ENG: variants seen among roughly 807,000 people sequenced by gnomAD.
ENG encodes the protein CD105 antigen.
In ENG, 17 loss-of-function variants were observed where a neutral mutation model predicts 71.0. That is an observed-to-expected ratio of 0.24 (90% CI 0.16 to 0.36). ENG has a LOEUF of 0.36. ENG is among the 10% of genes least tolerant of loss of function. The pLI, the probability that ENG is intolerant of heterozygous loss-of-function variation, is 1.00. For missense variants in ENG, 749 were observed against 868.3 expected (o/e 0.86, Z 1.73); for synonymous variants, 360 against 366.9 (o/e 0.98, Z 0.21).
At chr9:127,826,157 T>C (rs1830610648) in intron 4 of ENG, among the ~76,000 whole-genome samples, 2 of 152,230 alleles carry the variant, frequency 1.3e-5, no homozygotes. Flanking sequence ...TGTGTACATG[T>C]ACATGTTTAT....
chr9:127,850,403 C>T (rs552903031), intron 1 of ENG, among the ~76,000 whole-genome samples: 1 of 152,312 alleles, frequency 6.6e-6, no homozygotes, highest in East Asian at 1.9e-4. Flanking sequence ...GTCTGTCGCC[C>T]GAGGGCCCAG....
At chr9:127,824,744 T>C (rs1458223033) in intron 7 of ENG, 56 bp downstream of exon 7, 2 of 1,436,766 alleles carry the variant, frequency 1.4e-6, no homozygotes, top group African/African-American at 1.5e-5. Flanking sequence ...ACCAACAGTG[T>C]GGCCACTGAT....
Position 127,836,850 on chromosome 9 carries a change from C to A in ENG, c.219+6244G>T, listed in dbSNP as rs1187573666. Among the ~76,000 whole-genome samples, 1 of 152,116 alleles carries A rather than the reference C, an allele frequency of 6.6e-6. No homozygotes were observed. Among genetic ancestry groups the A allele is most frequent in the African/African-American group, 2.4e-5 (1 of 41,412 alleles). On this transcript the variant is annotated intron_variant, in intron 2 of 14. Coordinates refer to ENST00000373203, the MANE Select transcript of ENG (RefSeq NM_001114753.3). This position sits in a 1 kb window ranked among gnomAD's most constrained non-coding sequence, Gnocchi z 4.0. ...TCACTCAGGCTGGAGTACAGTGGCA[C>A]GATCTCGGCTCACTGCAATCTCCGC... is the stretch of plus-strand genomic sequence containing the variant.
chr9:127,830,340 T>TAAAAA (rs141738433), intron 2 of ENG, among the ~76,000 whole-genome samples: 4 of 66,842 alleles, frequency 6.0e-5, no homozygotes, highest in Non-Finnish European at 1.2e-4. Flanking sequence ...AGACTCCATC[T>TAAAAA]AAAAAAAAAA....
chr9:127,849,626 G>A (rs1998923), intron 1 of ENG, among the ~76,000 whole-genome samples: 109,662 of 152,116 alleles, frequency 0.72, 43,100 homozygotes, highest in South Asian at 0.88. Context: ...CATAGATGGG[G>A]CTGCTGAAGG....
chr9:127,817,044 C>G, intron 13 of ENG, 105 bp downstream of exon 13: 5 of 1,344,974 alleles, frequency 3.7e-6, no homozygotes, highest in Non-Finnish European at 5.3e-6. Flanking sequence ...CTGGGGTCCC[C>G]CTTGCCATGT....
At chr9:127,826,943 C>G (rs760423851) in intron 3 of ENG, 8 of 486,406 alleles carry the variant, frequency 1.6e-5, no homozygotes, top group Non-Finnish European at 2.6e-5. Context: ...CAGAGCTGTT[C>G]TCATTCAACC....
intron 3 of ENG, among the ~76,000 whole-genome samples, chr9:127,828,231 T>C (rs75738205): frequency 0.023 from 3,530 of 152,136 alleles, 124 homozygotes; most frequent in African/African-American, 0.08. Flanking sequence ...GTGATGGGCA[T>C]CTTGGGTGAG....
intron 7 of ENG, 63 bp from the exon 8 acceptor site, chr9:127,824,509 A>C: frequency 5.3e-6 from 5 of 938,318 alleles, no homozygotes; most frequent in Non-Finnish European, 7.3e-6. Flanking sequence ...TGCCCGCACC[A>C]GGCTTTTTTT....
chr9:127,830,662 AAAAC>A (rs1013111637), intron 2 of ENG, among the ~76,000 whole-genome samples: 34 of 152,136 alleles, frequency 2.2e-4, no homozygotes, highest in African/African-American at 8.2e-4. Flanking sequence ...AAAAAAACAA[AAAAC>A]AAACAAAAAA....
In ENG at chr9:127,815,383, A is replaced by G. The variant is rs1830280302; in HGVS notation, c.*299T>C. 4.6e-6 allele frequency: 2 copies of G among 439,074 alleles called. No homozygotes were observed. Among genetic ancestry groups the G allele is most frequent in the East Asian group, 8.2e-5 (2 of 24,262 alleles). The allele number at this position is 439,074 out of a possible 1,614,324, so 27.2% of individuals were successfully genotyped here. On this transcript the variant is annotated 3_prime_UTR_variant, in exon 15 of 15. Coordinates refer to ENST00000373203, the MANE Select transcript of ENG (RefSeq NM_001114753.3). ...AGCTCAGTTCACCAGTGCTGGATCC[A>G]GGTTCAAATGACAGGGACTTGGGTT... is the stretch of plus-strand genomic sequence containing the variant.
Position 127,815,719 on chromosome 9 carries a change from GTGCTCCCGA to G in ENG, c.1931_1939del (p.Ile644_Ser646del). 6.4e-7 allele frequency: 1 copy of G among 1,561,644 alleles called. No individual in the cohort carries two copies. Among genetic ancestry groups the G allele is most frequent in the Non-Finnish European group, 8.6e-7 (1 of 1,159,058 alleles). Reference sequence around the variant, plus strand: ...GCTGGTGGAGCAGGGGGTGCTCTGGGTGCTCCCGATGCTGTGGTTGGTGCTGCTGCTCTC... The same window carrying G: ...GCTGGTGGAGCAGGGGGTGCTCTGGGTGCTGTGGTTGGTGCTGCTGCTCTC... On this transcript the variant is annotated inframe_deletion, in exon 15 of 15. Transcript: ENST00000373203.
At chr9:127,843,998 T>C (rs4837185) in intron 1 of ENG, among the ~76,000 whole-genome samples, 148,904 of 149,548 alleles carry the variant, frequency 1, 74,136 homozygotes, top group Middle Eastern at 1. Context: ...CTCGAACTCC[T>C]GGCCTCAGGT....
intron 1 of ENG, among the ~76,000 whole-genome samples, chr9:127,851,377 G>A (rs1473077754): frequency 1.3e-5 from 2 of 151,578 alleles, no homozygotes; most frequent in Non-Finnish European, 2.9e-5. Context: ...CCACCACTAC[G>A]CCTGGCTAAT....
At chr9:127,839,619 G>A (rs564416575) in intron 2 of ENG, among the ~76,000 whole-genome samples, 3 of 152,200 alleles carry the variant, frequency 2.0e-5, no homozygotes, top group African/African-American at 7.2e-5. Context: ...GCAGTGGTGC[G>A]AACTCGGCTC....
At chr9:127,844,874 A>G (rs1159139099) in intron 1 of ENG, among the ~76,000 whole-genome samples, 1 of 152,194 alleles carries the variant, frequency 6.6e-6, no homozygotes, top group East Asian at 1.9e-4. Context: ...GAATGGTCTG[A>G]AGGGGTTGAG....
At chr9:127,816,922 A>C in intron 13 of ENG, 1 of 605,680 alleles carries the variant, frequency 1.7e-6, no homozygotes, top group East Asian at 2.8e-5. Flanking sequence ...CTCCCACCCC[A>C]CAGGGCGGTC....
At chr9:127,843,753 ATATTTTTTTTTTTTTTTTTTTT>A (rs1831104361) in intron 1 of ENG, among the ~76,000 whole-genome samples, 1 of 13,244 alleles carries the variant, frequency 7.6e-5, no homozygotes, top group African/African-American at 1.9e-4. Context: ...ATATATATAT[ATATTTTTTTTTTTTTTTTTTTT>A]TTTTTTTTTT....
At chr9:127,828,445 C>T (rs1398000676) in intron 3 of ENG, among the ~76,000 whole-genome samples, 2 of 152,174 alleles carry the variant, frequency 1.3e-5, no homozygotes, top group African/African-American at 4.8e-5. Context: ...GGAGCCCGCT[C>T]GGGAAGCAGC....
Sources: allele counts gnomAD v4.1 joint callset (sites outside exome capture counted in the v4.1 genomes callset), GRCh38; gene constraint gnomAD v4.1.1; non-coding constraint Gnocchi (gnomAD v3.1); transcripts MANE v1.5; gene names NCBI Gene and HGNC (gene_info 2026-07-23, HGNC 2026-07-21).